The following CNOT6L variants were observed in gnomAD, a reference collection of about 807,000 sequenced individuals.
The protein encoded by CNOT6L is CCR4-NOT transcription complex subunit 6 like.
A neutral mutation model predicts 64.0 loss-of-function variants in CNOT6L; 7 were observed. The observed-to-expected ratio is 0.11, with a 90% CI of 0.06 to 0.21. CNOT6L has a LOEUF of 0.21. Ranked by LOEUF, CNOT6L falls within the 10% of genes least tolerant of loss-of-function variation. The pLI, the probability that CNOT6L is intolerant of heterozygous loss-of-function variation, is 1.00. For missense variants in CNOT6L, 245 were observed against 669.0 expected, an observed-to-expected ratio of 0.37 and a Z score of 6.99; for synonymous variants, 193 against 243.4, an observed-to-expected ratio of 0.79 and a Z score of 1.93.
intron 7 of CNOT6L, among the ~76,000 whole-genome samples, chr4:77,743,273 A>T (rs1405701017): frequency 3.9e-5 from 6 of 152,054 alleles, no homozygotes; most frequent in Admixed American, 3.9e-4. Flanking sequence ...ATAATAAGAC[A>T]ATTTTCTTAA....
intron 4 of CNOT6L, among the ~76,000 whole-genome samples, chr4:77,767,674 T>A (rs1727002025): frequency 6.6e-6 from 1 of 152,086 alleles, no homozygotes; most frequent in Non-Finnish European, 1.5e-5. Context: ...CCCCTCATAC[T>A]ATATTTAAAA....
chr4:77,808,617 T>G (rs914065832), intron 1 of CNOT6L, among the ~76,000 whole-genome samples: 1 of 152,198 alleles, frequency 6.6e-6, no homozygotes, highest in Non-Finnish European at 1.5e-5. Context: ...CAAGGATTTC[T>G]CTGGTGACAA....
intron 6 of CNOT6L, among the ~76,000 whole-genome samples, chr4:77,747,237 A>G (rs967385991): frequency 9.2e-5 from 14 of 152,116 alleles, no homozygotes; most frequent in African/African-American, 3.4e-4. Context: ...ATCTTGGCTC[A>G]CTGTATGTAA....
chr4:77,762,583 TA>T (rs746381950), intron 4 of CNOT6L, among the ~76,000 whole-genome samples: 2 of 152,176 alleles, frequency 1.3e-5, no homozygotes, highest in African/African-American at 2.4e-5. Context: ...AGGTAAAATC[TA>T]AAACTATAAA....
chr4:77,758,166 G>A (rs1725775964), intron 4 of CNOT6L, among the ~76,000 whole-genome samples: 1 of 152,122 alleles, frequency 6.6e-6, no homozygotes, highest in Admixed American at 6.6e-5. Flanking sequence ...TAGGGTGACG[G>A]AAATATTCTA....
At chr4:77,766,167 G>A (rs1577962757) in intron 4 of CNOT6L, among the ~76,000 whole-genome samples, 1 of 151,972 alleles carries the variant, frequency 6.6e-6, no homozygotes, top group Non-Finnish European at 1.5e-5. Context: ...GTTTATCTCA[G>A]CAATGCAAAT....
intron 1 of CNOT6L, among the ~76,000 whole-genome samples, chr4:77,795,205 G>C (rs531470439): frequency 6.6e-6 from 1 of 152,016 alleles, no homozygotes; most frequent in African/African-American, 2.4e-5. Context: ...TTTTAGTAGA[G>C]ACGGGGTTTC....
intron 9 of CNOT6L, among the ~76,000 whole-genome samples, chr4:77,730,676 T>C (rs781073878): frequency 6.6e-6 from 1 of 152,074 alleles, no homozygotes; most frequent in Admixed American, 6.6e-5. Flanking sequence ...GAAAAGAAGG[T>C]TTGACACATA....
intron 6 of CNOT6L, among the ~76,000 whole-genome samples, chr4:77,745,864 A>G (rs553849537): frequency 6.6e-6 from 1 of 152,340 alleles, no homozygotes; most frequent in South Asian, 2.1e-4. Context: ...GTGAAGTGAC[A>G]CTTGATTGAA....
chr4:77,750,752 T>G (rs1414545093), intron 5 of CNOT6L, among the ~76,000 whole-genome samples: 2 of 152,144 alleles, frequency 1.3e-5, no homozygotes, highest in Middle Eastern at 3.2e-3. Flanking sequence ...TACTATCACA[T>G]ACAATAAATA....
In CNOT6L at chr4:77,747,578, CTT is replaced by C. The variant is rs1436505584; in HGVS notation, c.559+736_559+737del. Among the ~76,000 whole-genome samples, 4 of 118,006 alleles carry C rather than the reference CTT, an allele frequency of 3.4e-5. No individual in the cohort carries two copies. The East Asian group carries it at 8.5e-4, about 25-fold the overall frequency. 77.4% of individuals were successfully genotyped at this position (118,006 alleles called of 152,430 possible). ...ATTAGATATCATGAAAATTATTACT[CTT>C]GTGATTAAAAAAAAGACATTTCGAA... On this transcript the variant is annotated intron_variant, in intron 6 of 11. Coordinates refer to ENST00000504123, the MANE Select transcript of CNOT6L (RefSeq NM_144571.3).
chr4:77,793,340 A>G (rs903144270), intron 1 of CNOT6L, among the ~76,000 whole-genome samples: 5 of 152,224 alleles, frequency 3.3e-5, no homozygotes, highest in African/African-American at 9.6e-5. Context: ...ATAGGATATA[A>G]CTATCATTCA....
At chr4:77,782,694 G>C (rs553066613) in intron 1 of CNOT6L, among the ~76,000 whole-genome samples, 1 of 147,838 alleles carries the variant, frequency 6.8e-6, no homozygotes, top group African/African-American at 2.5e-5. Context: ...TGCCCAGCCT[G>C]GCCTCAAACT....
At chr4:77,798,021 T>C (rs1242404417) in intron 1 of CNOT6L, among the ~76,000 whole-genome samples, 2 of 152,154 alleles carry the variant, frequency 1.3e-5, no homozygotes, top group African/African-American at 4.8e-5. Flanking sequence ...TTTTGCTCCT[T>C]GAAAAACATT....
At chr4:77,810,670 C>T (rs1732828108) in intron 1 of CNOT6L, among the ~76,000 whole-genome samples, 1 of 152,094 alleles carries the variant, frequency 6.6e-6, no homozygotes, top group Non-Finnish European at 1.5e-5. Flanking sequence ...TTCCTCCTAG[C>T]TATTTGAAAC....
At chr4:77,795,296 G>A (rs968073933) in intron 1 of CNOT6L, among the ~76,000 whole-genome samples, 1 of 152,044 alleles carries the variant, frequency 6.6e-6, no homozygotes, top group Non-Finnish European at 1.5e-5. Flanking sequence ...TGAGATTACA[G>A]GTGTGAGCCA....
At chr4:77,745,797 A>T (rs907741188) in intron 6 of CNOT6L, among the ~76,000 whole-genome samples, 3 of 152,232 alleles carry the variant, frequency 2.0e-5, no homozygotes, top group East Asian at 1.9e-4. Flanking sequence ...CCAGGTGATT[A>T]TAATGAACAG....
At chr4:77,783,169 A>AAAAAAC (rs1553895271) in intron 1 of CNOT6L, among the ~76,000 whole-genome samples, 1 of 151,200 alleles carries the variant, frequency 6.6e-6, no homozygotes, top group Non-Finnish European at 1.5e-5. Flanking sequence ...AAAAAAAAAA[A>AAAAAAC]ACACATGTTT....
chr4:77,794,150 CAAAAAAAA>C (rs10649868), intron 1 of CNOT6L, among the ~76,000 whole-genome samples: 280 of 52,018 alleles, frequency 5.4e-3, no homozygotes, highest in Middle Eastern at 0.045. Context: ...GACTCTGTCT[CAAAAAAAA>C]AAAAAAAAAA....
Sources: allele counts gnomAD v4.1 joint callset (sites outside exome capture counted in the v4.1 genomes callset), GRCh38; gene constraint gnomAD v4.1.1; transcripts MANE v1.5; gene names NCBI Gene and HGNC (gene_info 2026-07-23, HGNC 2026-07-21).